The following TGM4 variants were observed in gnomAD, a reference collection of about 807,000 sequenced individuals.
TGM4 encodes transglutaminase 4.
In TGM4, 61 loss-of-function variants were observed where a neutral mutation model predicts 76.3. The observed-to-expected ratio is 0.80, with a 90% CI of 0.65 to 0.99. TGM4 has a LOEUF of 0.99. Among genes scored for constraint, TGM4 ranks in the 50% least tolerant of loss-of-function variants. The pLI, the probability that TGM4 is intolerant of heterozygous loss-of-function variation, is 0.00. For synonymous variants in TGM4, 337 were observed against 329.8 expected (o/e 1.02, Z -0.24); for missense variants, 794 against 843.2 (o/e 0.94, Z 0.72).
chr3:44,876,049 A>G (rs946199169), intron 1 of TGM4, among the ~76,000 whole-genome samples: 19 of 152,222 alleles, frequency 1.2e-4, no homozygotes, highest in Admixed American at 6.5e-5. Flanking sequence ...TACCTGAAGG[A>G]AAGGTAGTCC....
intron 5 of TGM4, among the ~76,000 whole-genome samples, chr3:44,895,092 G>A (rs191939567): frequency 3.3e-5 from 5 of 151,648 alleles, no homozygotes; most frequent in East Asian, 3.9e-4. Flanking sequence ...CCCGGAGATC[G>A]AGATCATCCT....
rs1312343555 is a variant in TGM4, at chr3:44,914,461, ACT to A, written c.*739_*740del. 2 of 151,966 alleles carry A rather than the reference ACT, an allele frequency of 1.3e-5. No homozygotes were observed. The highest frequency in any genetic ancestry group is 4.8e-5 in the African/African-American group (2 of 41,330). 9.4% of individuals were successfully genotyped at this position (151,966 alleles called of 1,614,324 possible). On this transcript the variant is annotated 3_prime_UTR_variant, in exon 14 of 14. Transcript: ENST00000296125. The stretch of plus-strand genomic sequence containing the variant: ...AGGCATTGCTTCCTCCCTGGTGTGA[ACT>A]CTTTCTTTGGTATTCCATCCACTAT...
In TGM4 at chr3:44,907,056, A is replaced by C. The variant is rs1282767760; in HGVS notation, c.1183A>C (p.Ile395Leu). Residue 395 changes from isoleucine to leucine, a missense_variant, in exon 10 of 14, where the codon ATC becomes CTC. Coordinates refer to ENST00000296125, the MANE Select transcript of TGM4 (RefSeq NM_003241.4). ...VFSEVNGDRL[I>L]WLVKMVNGQE... Reference sequence around the variant, plus strand: ...CTCAGAAGTGAATGGTGACAGGCTCATCTGGTTGGTGAAGATGGTGAATGG... The same window carrying C: ...CTCAGAAGTGAATGGTGACAGGCTCCTCTGGTTGGTGAAGATGGTGAATGG... 1 of 1,614,186 alleles carries C rather than the reference A, an allele frequency of 6.2e-7. No homozygotes were observed. Among genetic ancestry groups the C allele is most frequent in the Admixed American group, 1.7e-5 (1 of 60,022 alleles).
rs755805214 is a variant in TGM4, at chr3:44,890,635, C to T, written c.333C>T (p.Ala111=). ...VTVAVTSSPN[A]ILGKYQLNVK... ...TGGCTGTCACCAGTTCCCCCAATGC[C>T]ATCCTGGGCAAGTACCAACTAAACG... The change falls in exon 4 of 14, where the codon GCC becomes GCT. Residue 111 remains alanine (A), a synonymous_variant. Transcript: ENST00000296125. The T allele has an allele frequency of 1.9e-6, 3 of 1,614,170 alleles. No homozygotes were observed. The highest frequency in any genetic ancestry group is 1.7e-6 in the Non-Finnish European group (2 of 1,180,018).
At chr3:44,901,770 C>CA (rs769800107) in intron 7 of TGM4, 23 bp from the exon 8 acceptor site, 15 of 1,613,266 alleles carry the variant, frequency 9.3e-6, no homozygotes, top group Non-Finnish European at 1.2e-5. Context: ...AGTTGCCAAC[C>CA]ACCCCACCCT....
intron 10 of TGM4, among the ~76,000 whole-genome samples, chr3:44,908,385 T>G (rs935815515): frequency 3.3e-5 from 5 of 150,728 alleles, no homozygotes; most frequent in Non-Finnish European, 5.9e-5. Context: ...TTTTTTTTTG[T>G]TTTTGTTTTT....
chr3:44,885,517 A>T lies in TGM4; in HGVS notation c.193+19A>T, dbSNP rs534397213. On this transcript the variant is annotated intron_variant, in intron 2 of 13. Transcript: ENST00000296125. ...AGCACAGGTGAAGCCTCGGGGCCCTACTCATGGGGCTTTGGGGAGGGATCA... is the reference window on the plus strand; with the variant it reads ...AGCACAGGTGAAGCCTCGGGGCCCTTCTCATGGGGCTTTGGGGAGGGATCA... 3.1e-6 allele frequency: 5 copies of T among 1,600,730 alleles called. No homozygotes were observed. The East Asian group carries it at 1.1e-4, about 36-fold the overall frequency.
intron 5 of TGM4, among the ~76,000 whole-genome samples, chr3:44,893,933 C>CGGCTCTCTCCCATCCCCCAT (rs1699739637): frequency 1.1e-5 from 1 of 91,936 alleles, no homozygotes; most frequent in Non-Finnish European, 2.3e-5. Flanking sequence ...ATCCACCCCA[C>CGGCTCTCTCCCATCCCCCAT]GGCTCTCTCC....
At chr3:44,897,460 G>A (rs556039132) in intron 6 of TGM4, among the ~76,000 whole-genome samples, 5 of 152,322 alleles carry the variant, frequency 3.3e-5, no homozygotes. Context: ...CTCCAGTTGG[G>A]TGAGCAAACT....
chr3:44,903,750 A>T (rs992947868), intron 8 of TGM4, 134 bp from the exon 9 acceptor site: 9 of 810,910 alleles, frequency 1.1e-5, no homozygotes, highest in Middle Eastern at 2.3e-4. Flanking sequence ...CAGTGTTGAC[A>T]AAGGTTCCCA....
At chr3:44,903,719 C>T (rs1037781673) in intron 8 of TGM4, 165 bp from the exon 9 acceptor site, 2 of 659,534 alleles carry the variant, frequency 3.0e-6, no homozygotes, top group African/African-American at 1.8e-5. Context: ...AGGTGGGACT[C>T]ACCGGTGGCC....
Position 44,907,027 on chromosome 3 carries a change from T to A in TGM4, c.1154T>A (p.Val385Asp). 6.2e-7 allele frequency: 1 copy of A among 1,614,134 alleles called. No homozygotes were observed. Among genetic ancestry groups the A allele is most frequent in the Non-Finnish European group, 8.5e-7 (1 of 1,180,028 alleles). Reference sequence around the variant, plus strand: ...TTTATTGTCTATGACACCAGATTCGTCTTCTCAGAAGTGAATGGTGACAGG... The same window carrying A: ...TTTATTGTCTATGACACCAGATTCGACTTCTCAGAAGTGAATGGTGACAGG... Reference protein sequence around the residue: ...DIFIVYDTRFVFSEVNGDRLI... With the variant: ...DIFIVYDTRFDFSEVNGDRLI... Residue 385 changes from valine to aspartate, a missense_variant, in exon 10 of 14, where the codon GTC becomes GAC. Transcript: ENST00000296125.
At chr3:44,882,295 G>T (rs576595009) in intron 1 of TGM4, among the ~76,000 whole-genome samples, 2 of 152,218 alleles carry the variant, frequency 1.3e-5, no homozygotes, top group South Asian at 4.2e-4. Flanking sequence ...CAGCCTCCCA[G>T]ATCTGCCTTA....
Position 44,911,039 on chromosome 3 carries a change from G to T in TGM4, c.1688G>T (p.Gly563Val), listed in dbSNP as rs1202781152. The part of the protein sequence containing the change: ...AILDDEPVIR[G>V]FIIAEIVESK... ...TTAGATGATGAGCCAGTTATCAGAG[G>T]TTTCATCATTGCGGAAATTGTGGAG... Residue 563 changes from glycine (G) to valine (V), a missense_variant, in exon 12 of 14, where the codon GGT (glycine) becomes GTT (valine). Transcript: ENST00000296125. 1 of 1,614,136 alleles carries T rather than the reference G, an allele frequency of 6.2e-7. No homozygotes were observed. Among genetic ancestry groups the T allele is most frequent in the South Asian group, 1.1e-5 (1 of 91,068 alleles).
In TGM4 at chr3:44,902,778, G is replaced by A. The variant is rs142327328; in HGVS notation, c.971+847G>A. On this transcript the variant is annotated intron_variant, in intron 8 of 13. Coordinates refer to ENST00000296125, the MANE Select transcript of TGM4 (RefSeq NM_003241.4). Reference sequence around the variant, plus strand: ...GTAACTAGTACCCACTGGCCAGCATGAAGCTTATTTCCTTTGTTCTCTGAT... The same window carrying A: ...GTAACTAGTACCCACTGGCCAGCATAAAGCTTATTTCCTTTGTTCTCTGAT... 3.9e-3 allele frequency among the ~76,000 whole-genome samples: 591 copies of A among 152,270 alleles called. 4 individuals carry two copies. The highest frequency in any genetic ancestry group is 0.015 in the Admixed American group (236 of 15,288).
intron 9 of TGM4, among the ~76,000 whole-genome samples, chr3:44,905,065 A>T (rs1575725632): frequency 6.6e-6 from 1 of 151,832 alleles, no homozygotes; most frequent in African/African-American, 2.4e-5. Context: ...GCTCACTGCA[A>T]CCTCTGCCTC....
At chr3:44,904,014 G>A in intron 9 of TGM4, 27 bp downstream of exon 9, 1 of 1,590,932 alleles carries the variant, frequency 6.3e-7, no homozygotes. Flanking sequence ...AAGGCGCTGG[G>A]CATCCATGCT....
At position 44,910,072 on chromosome 3, in the gene TGM4, C is replaced by G. The variant is rs1326819865; in HGVS notation, c.1328-18C>G. Reference sequence around the variant, plus strand: ...TTGAAGGAGCACCTGAAGGAAGCTGCCTTTGTGTCTCTTTCAGGCTCCTCT... The same window carrying G: ...TTGAAGGAGCACCTGAAGGAAGCTGGCTTTGTGTCTCTTTCAGGCTCCTCT... On this transcript the variant is annotated intron_variant, in intron 10 of 13. Coordinates refer to ENST00000296125, the MANE Select transcript of TGM4 (RefSeq NM_003241.4). 4 of 1,608,268 alleles carry G rather than the reference C, an allele frequency of 2.5e-6. No homozygotes were observed. In the South Asian group the frequency reaches 3.3e-5, roughly 13 times the overall value.
intron 9 of TGM4, among the ~76,000 whole-genome samples, chr3:44,904,210 G>A (rs1489522792): frequency 6.6e-6 from 1 of 151,698 alleles, no homozygotes; most frequent in Non-Finnish European, 1.5e-5. Flanking sequence ...ACTGTTAAGA[G>A]CAATGAGATG....
Sources: gnomAD v4.1 joint callset for allele counts (sites outside exome capture counted in the v4.1 genomes callset) on GRCh38, gnomAD v4.1.1 for gene constraint, MANE v1.5 for transcripts, NCBI Gene and HGNC (gene_info 2026-07-23, HGNC 2026-07-21) for gene names.